Variants in LRRTM3 observed in about 807,000 individuals in gnomAD.
LRRTM3 encodes leucine rich repeat transmembrane neuronal 3.
A neutral mutation model predicts 44.7 loss-of-function variants in LRRTM3; 24 were observed. The observed-to-expected ratio is 0.54, with a 90% CI of 0.39 to 0.76. The LOEUF is 0.76. Ranked by LOEUF, LRRTM3 falls within the 30% of genes least tolerant of loss-of-function variation. LRRTM3 has a pLI of 0.00. For synonymous variants in LRRTM3, 277 were observed against 278.7 expected (o/e 0.99, Z 0.06); for missense variants, 587 against 702.2 (o/e 0.84, Z 1.85).
chr10:67,058,664 G>C (rs1855580007), intron 2 of LRRTM3, among the ~76,000 whole-genome samples: 1 of 152,070 alleles, frequency 6.6e-6, no homozygotes, highest in African/African-American at 2.4e-5. Context: ...TAGGGAACAT[G>C]CTGATGTAGA....
chr10:67,063,333 TAGG>T (rs1282078929), intron 2 of LRRTM3, among the ~76,000 whole-genome samples: 1 of 152,208 alleles, frequency 6.6e-6, no homozygotes. Flanking sequence ...TAGCCTGAGA[TAGG>T]ACAAAACTGA....
intron 2 of LRRTM3, among the ~76,000 whole-genome samples, chr10:67,049,207 G>A (rs1854939589): frequency 6.6e-6 from 1 of 152,054 alleles, no homozygotes; most frequent in African/African-American, 2.4e-5. Flanking sequence ...GATGATGGTA[G>A]AAACAGGAGG....
chr10:66,960,746 A>G (rs1247082561), intron 2 of LRRTM3, among the ~76,000 whole-genome samples: 3 of 152,172 alleles, frequency 2.0e-5, no homozygotes, highest in Non-Finnish European at 4.4e-5. Context: ...ACAGAACAGA[A>G]TGGCATAGGA....
intron 2 of LRRTM3, among the ~76,000 whole-genome samples, chr10:66,970,293 C>T (rs1453215661): frequency 6.6e-6 from 1 of 152,142 alleles, no homozygotes; most frequent in Admixed American, 6.5e-5. Flanking sequence ...TTTACAGTTA[C>T]TCTGTTGTAT....
At chr10:66,959,602 A>G (rs924202078) in intron 2 of LRRTM3, among the ~76,000 whole-genome samples, 1 of 152,146 alleles carries the variant, frequency 6.6e-6, no homozygotes, top group African/African-American at 2.4e-5. Context: ...GTGAAAGTAG[A>G]TGATTTCTAC....
At chr10:66,933,063 C>G (rs915034288) in intron 2 of LRRTM3, among the ~76,000 whole-genome samples, 39 of 152,158 alleles carry the variant, frequency 2.6e-4, no homozygotes, top group African/African-American at 8.9e-4. Context: ...GTGAAAAGTA[C>G]TTTGTAAACT....
At chr10:67,095,028 T>C (rs1237001620) in intron 2 of LRRTM3, among the ~76,000 whole-genome samples, 1 of 145,746 alleles carries the variant, frequency 6.9e-6, no homozygotes, top group Non-Finnish European at 1.5e-5. Context: ...TATGTGTATA[T>C]ACATATATGT....
At chr10:66,957,382 GTATATATATACATATATATA>G (rs1285441216) in intron 2 of LRRTM3, among the ~76,000 whole-genome samples, 2 of 38,332 alleles carry the variant, frequency 5.2e-5, no homozygotes, top group East Asian at 1.7e-3. Context: ...ATATGTGTGT[GTATATATATACATATATATA>G]TATATATATA....
chr10:66,955,118 A>T (rs1848720880), intron 2 of LRRTM3, among the ~76,000 whole-genome samples: 1 of 152,122 alleles, frequency 6.6e-6, no homozygotes, highest in Non-Finnish European at 1.5e-5. Context: ...AACCTCTGAA[A>T]AGTCAGAAAC....
intron 2 of LRRTM3, among the ~76,000 whole-genome samples, chr10:66,997,791 A>T (rs1361608701): frequency 1.3e-5 from 2 of 152,106 alleles, no homozygotes; most frequent in East Asian, 3.9e-4. Flanking sequence ...GCTATTTCCT[A>T]TTCTCTTCTT....
chr10:67,063,921 G>T (rs1855909493), intron 2 of LRRTM3, among the ~76,000 whole-genome samples: 1 of 152,122 alleles, frequency 6.6e-6, no homozygotes, highest in South Asian at 2.1e-4. Context: ...ATGTTTATGG[G>T]TGCATTTACC....
chr10:67,089,877 T>C (rs1268575539), intron 2 of LRRTM3, among the ~76,000 whole-genome samples: 1 of 151,994 alleles, frequency 6.6e-6, no homozygotes, highest in Admixed American at 6.6e-5. Context: ...AGAAATTGTG[T>C]CTTCATCATG....
intron 2 of LRRTM3, among the ~76,000 whole-genome samples, chr10:66,931,921 C>A (rs940588786): frequency 6.6e-6 from 1 of 152,066 alleles, no homozygotes; most frequent in Non-Finnish European, 1.5e-5. Flanking sequence ...TTTTCATCAG[C>A]AAGATACATG....
chr10:67,048,886 T>G (rs1467866374), intron 2 of LRRTM3, among the ~76,000 whole-genome samples: 1 of 152,144 alleles, frequency 6.6e-6, no homozygotes, highest in Non-Finnish European at 1.5e-5. Context: ...TTATAAAACT[T>G]TATTATCCTG....
Position 66,927,334 on chromosome 10 carries a change from C to T in LRRTM3, c.418C>T (p.Leu140=), listed in dbSNP as rs147373916. 6.2e-7 allele frequency: 1 copy of T among 1,614,162 alleles called. No individual in the cohort carries two copies. Among genetic ancestry groups the T allele is most frequent in the Admixed American group, 1.7e-5 (1 of 60,028 alleles). ...RPVTNLRNLD[L]SYNQLHSLGS... ...TGTGACAAATTTACGGAACTTGGAT[C>T]TGTCCTATAATCAGCTGCATTCTCT... Residue 140 remains leucine (L), a synonymous_variant, in exon 2 of 3, where the codon CTG becomes TTG. Transcript: ENST00000361320. This position sits in a 1 kb window ranked among gnomAD's most constrained non-coding sequence, Gnocchi z 4.7.
intron 2 of LRRTM3, among the ~76,000 whole-genome samples, chr10:67,056,004 T>C (rs1299689844): frequency 1.3e-5 from 2 of 152,126 alleles, no homozygotes; most frequent in Admixed American, 1.3e-4. Context: ...ACCTCTTATG[T>C]TCTTTTGCCA....
chr10:66,926,444 C>T lies in LRRTM3; in HGVS notation c.-140C>T. 1 of 868,940 alleles carries T rather than the reference C, an allele frequency of 1.2e-6. No individual in the cohort carries two copies. Among genetic ancestry groups the T allele is most frequent in the South Asian group, 1.5e-5 (1 of 66,538 alleles). 53.8% of individuals were successfully genotyped at this position (868,940 alleles called of 1,614,324 possible). On this transcript the variant is annotated 5_prime_UTR_variant, in exon 1 of 3. Coordinates refer to ENST00000361320, the MANE Select transcript of LRRTM3 (RefSeq NM_178011.5). ...AAAGAATAATGTTCCAAAATCGGTC[C>T]ATCTCCCAAGGGGTCCAATTTTTCT...
At position 66,946,066 on chromosome 10, in the gene LRRTM3, C is replaced by T. The variant is rs960398639; in HGVS notation, c.1536+17614C>T. ...ATGTAACACAGAGACATGAAATGAG[C>T]ACATGCTGTTGAAAAACAGAGCTCA... On this transcript the variant is annotated intron_variant, in intron 2 of 2. Coordinates refer to ENST00000361320, the MANE Select transcript of LRRTM3 (RefSeq NM_178011.5). Among the ~76,000 whole-genome samples the T allele has an allele frequency of 3.9e-5, 6 of 152,100 alleles. 1 individual carries two copies. The highest frequency in any genetic ancestry group is 2.0e-4 in the Admixed American group (3 of 15,266).
intron 2 of LRRTM3, among the ~76,000 whole-genome samples, chr10:66,991,938 CAT>C (rs1441427240): frequency 6.6e-6 from 1 of 152,190 alleles, no homozygotes; most frequent in Non-Finnish European, 1.5e-5. Context: ...CATTAACCTT[CAT>C]ACCTCCCCTT....
Sources: gnomAD v4.1 joint callset for allele counts (sites outside exome capture counted in the v4.1 genomes callset) on GRCh38, gnomAD v4.1.1 for gene constraint, Gnocchi (gnomAD v3.1) non-coding constraint, MANE v1.5 for transcripts, NCBI Gene and HGNC (gene_info 2026-07-23, HGNC 2026-07-21) for gene names.